AEBP2: variants seen among roughly 807,000 people sequenced by gnomAD.
AEBP2 encodes zinc finger protein AEBP2.
In AEBP2, 10 loss-of-function variants were observed where a neutral mutation model predicts 50.8. The ratio of observed to expected loss-of-function variants is 0.20; its 90% CI spans 0.12 to 0.33. The LOEUF is 0.33. AEBP2 is among the 10% of genes least tolerant of loss of function. AEBP2 has a pLI of 1.00. For missense variants in AEBP2, 570 were observed against 688.0 expected, an observed-to-expected ratio of 0.83 and a Z score of 1.92; for synonymous variants, 296 against 261.3, an observed-to-expected ratio of 1.13 and a Z score of -1.28.
At chr12:19,475,137 AG>A (rs1315633339) in intron 3 of AEBP2, among the ~76,000 whole-genome samples, 2 of 151,190 alleles carry the variant, frequency 1.3e-5, no homozygotes, top group Non-Finnish European at 2.9e-5. Context: ...TAAATTCCTT[AG>A]TGGTGATTTC....
intron 3 of AEBP2, among the ~76,000 whole-genome samples, chr12:19,485,998 T>C (rs1384565761): frequency 6.7e-6 from 1 of 149,878 alleles, no homozygotes; most frequent in Non-Finnish European, 1.5e-5. Flanking sequence ...ATATAATGTA[T>C]AGTTGTGTCT....
At chr12:19,502,127 T>G (rs1251434797) in intron 5 of AEBP2, among the ~76,000 whole-genome samples, 1 of 152,132 alleles carries the variant, frequency 6.6e-6, no homozygotes, top group Non-Finnish European at 1.5e-5. Flanking sequence ...GTTTTCCTGT[T>G]ATTTGTACCT....
intron 1 of AEBP2, among the ~76,000 whole-genome samples, chr12:19,448,444 C>T (rs954943015): frequency 7.3e-5 from 11 of 150,606 alleles, no homozygotes; most frequent in Non-Finnish European, 1.3e-4. Context: ...GAGATCGTGC[C>T]ATTGTGCTCC....
At chr12:19,427,493 C>T (rs2095749173) in intron 1 of AEBP2, among the ~76,000 whole-genome samples, 1 of 151,850 alleles carries the variant, frequency 6.6e-6, no homozygotes, top group African/African-American at 2.4e-5. Context: ...GGACTTATAC[C>T]AGTGACTCCA....
intron 1 of AEBP2, chr12:19,440,588 C>G: frequency 4.8e-6 from 7 of 1,455,974 alleles, no homozygotes; most frequent in South Asian, 1.3e-5. Flanking sequence ...CCCAACTCTC[C>G]TTTCCCCGCC....
intron 3 of AEBP2, among the ~76,000 whole-genome samples, chr12:19,474,137 A>C (rs979189690): frequency 2.0e-5 from 3 of 152,202 alleles, no homozygotes; most frequent in Non-Finnish European, 4.4e-5. Flanking sequence ...GTTGTAAATC[A>C]CTTTTGTCAA....
In AEBP2 at chr12:19,479,830, A is replaced by G. The variant is rs113247519; in HGVS notation, c.987+6475A>G. 5.3e-3 allele frequency among the ~76,000 whole-genome samples: 757 copies of G among 141,510 alleles called. 5 individuals are homozygous for G. The highest frequency in any genetic ancestry group is 0.016 in the African/African-American group (584 of 37,298). The allele number at this position is 141,510 out of a possible 152,430, so 92.8% of individuals were successfully genotyped here. A position where few individuals can be genotyped will look rare whatever the true frequency, so the allele number is the denominator to read the frequency against. On this transcript the variant is annotated intron_variant, in intron 3 of 7. Transcript: ENST00000266508. ...CTTTTGGTTTCTATTTGCATGGAGT[A>G]TCTTTTTCCACCCCTTTACCTTAAG...
At chr12:19,490,932 C>T (rs141643637) in intron 3 of AEBP2, among the ~76,000 whole-genome samples, 135 of 152,240 alleles carry the variant, frequency 8.9e-4, no homozygotes, top group African/African-American at 3.1e-3. Flanking sequence ...CACTAAATTC[C>T]ACTGAATTGT....
At chr12:19,446,325 A>C (rs1458678445) in intron 1 of AEBP2, among the ~76,000 whole-genome samples, 4 of 152,152 alleles carry the variant, frequency 2.6e-5, no homozygotes, top group Non-Finnish European at 5.9e-5. Flanking sequence ...TCAAATTAGA[A>C]CTGGAGGCAG....
chr12:19,456,277 T>A, intron 1 of AEBP2: 1 of 1,527,296 alleles, frequency 6.5e-7, no homozygotes, highest in Non-Finnish European at 9.0e-7. Flanking sequence ...TGGGCAGATT[T>A]GGTGACCTTG....
intron 1 of AEBP2, among the ~76,000 whole-genome samples, chr12:19,424,552 T>A: frequency 6.6e-6 from 1 of 151,694 alleles, no homozygotes; most frequent in East Asian, 2.0e-4. Flanking sequence ...GCCCGCCACC[T>A]CGCCTGGCTA....
At chr12:19,421,058 A>G (rs1003321877) in intron 1 of AEBP2, among the ~76,000 whole-genome samples, 1 of 152,144 alleles carries the variant, frequency 6.6e-6, no homozygotes, top group Non-Finnish European at 1.5e-5. Flanking sequence ...GAATGGCTTG[A>G]GAGGGGTTGG....
intron 1 of AEBP2, among the ~76,000 whole-genome samples, chr12:19,431,864 T>C (rs1480371647): frequency 6.6e-6 from 1 of 152,214 alleles, no homozygotes; most frequent in African/African-American, 2.4e-5. Flanking sequence ...TTGCTCACCA[T>C]GGCAATATCA....
At chr12:19,460,949 C>A (rs1003253893) in intron 1 of AEBP2, among the ~76,000 whole-genome samples, 1 of 152,022 alleles carries the variant, frequency 6.6e-6, no homozygotes, top group Non-Finnish European at 1.5e-5. Context: ...CCACTGTGCC[C>A]GGCCTGAATG....
upstream of AEBP2, among the ~76,000 whole-genome samples, chr12:19,435,949 G>A (rs183806206): frequency 2.4e-4 from 36 of 152,202 alleles, 1 homozygote; most frequent in East Asian, 5.6e-3. Flanking sequence ...GAACCACAGC[G>A]ACTCGCATCG....
intron 3 of AEBP2, among the ~76,000 whole-genome samples, chr12:19,479,713 GT>G (rs1948697600): frequency 2.1e-5 from 1 of 48,426 alleles, no homozygotes; most frequent in African/African-American, 8.0e-5. Flanking sequence ...TCACCTCTTT[GT>G]GGGTTTTTTT....
At chr12:19,500,312 A>G in intron 5 of AEBP2, 91 bp downstream of exon 5, 1 of 1,217,000 alleles carries the variant, frequency 8.2e-7, no homozygotes, top group Non-Finnish European at 1.1e-6. Flanking sequence ...AATCTAAGAA[A>G]GTACAATTTA....
chr12:19,490,274 T>A (rs1018100151), intron 3 of AEBP2, among the ~76,000 whole-genome samples: 2 of 152,198 alleles, frequency 1.3e-5, no homozygotes, highest in African/African-American at 4.8e-5. Flanking sequence ...TAGCCAAGTT[T>A]CAAATGCTTA....
In AEBP2 at chr12:19,514,793, A is replaced by C. The variant is rs777702923; in HGVS notation, c.1481+9A>C. 9 of 1,583,614 alleles carry C rather than the reference A, an allele frequency of 5.7e-6. No individual in the cohort carries two copies. The highest frequency in any genetic ancestry group is 3.5e-5 in the Admixed American group (2 of 56,818). Reference sequence around the variant, plus strand: ...GACCCAAACATATACAGGTAATTTAATTCTTGCCTTTATGTTTTACTTTTT... The same window carrying C: ...GACCCAAACATATACAGGTAATTTACTTCTTGCCTTTATGTTTTACTTTTT... On this transcript the variant is annotated intron_variant, in intron 7 of 7. Coordinates refer to ENST00000266508, the MANE Select transcript of AEBP2 (RefSeq NM_153207.5).
Sources: gnomAD v4.1 joint callset for allele counts (sites outside exome capture counted in the v4.1 genomes callset) on GRCh38, gnomAD v4.1.1 for gene constraint, MANE v1.5 for transcripts, NCBI Gene and HGNC (gene_info 2026-07-23, HGNC 2026-07-21) for gene names.